Variants in EDIL3 observed in about 807,000 individuals in gnomAD.
EDIL3 encodes EGF like and discoidin domains 3.
Under a neutral mutation model 67.4 loss-of-function variants are expected in EDIL3, and 37 were observed. That is an observed-to-expected ratio of 0.55 (90% CI 0.42 to 0.72). The LOEUF (loss-of-function observed/expected upper bound fraction) is 0.72. Ranked by LOEUF, EDIL3 falls within the 30% of genes least tolerant of loss-of-function variation. The pLI, the probability that EDIL3 is intolerant of heterozygous loss-of-function variation, is 0.00. For missense variants in EDIL3, 527 were observed against 586.3 expected (o/e 0.90, Z 1.04); for synonymous variants, 195 against 196.3 (o/e 0.99, Z 0.05).
At chr5:84,072,319 G>A (rs1206311736) in intron 6 of EDIL3, among the ~76,000 whole-genome samples, 1 of 151,994 alleles carries the variant, frequency 6.6e-6, no homozygotes, top group East Asian at 1.9e-4. Flanking sequence ...GATTTGATTA[G>A]TAGCCATTAA....
intron 1 of EDIL3, among the ~76,000 whole-genome samples, chr5:84,362,068 A>T (rs774798509): frequency 9.9e-5 from 15 of 152,086 alleles, no homozygotes; most frequent in Non-Finnish European, 1.8e-4. Context: ...CCAACTTCCC[A>T]AAAGAGCAGT....
intron 9 of EDIL3, among the ~76,000 whole-genome samples, chr5:83,972,607 C>A (rs1744812736): frequency 6.6e-6 from 1 of 152,032 alleles, no homozygotes; most frequent in African/African-American, 2.4e-5. Flanking sequence ...GGGAAACTTT[C>A]CAAATATAGT....
intron 5 of EDIL3, among the ~76,000 whole-genome samples, chr5:84,113,279 G>A (rs760402284): frequency 3.9e-5 from 6 of 152,132 alleles, no homozygotes; most frequent in Non-Finnish European, 7.4e-5. Flanking sequence ...TGTCAGGTAC[G>A]ACAATAATCC....
intron 1 of EDIL3, among the ~76,000 whole-genome samples, chr5:84,358,358 C>T (rs898344782): frequency 1.3e-5 from 2 of 152,136 alleles, no homozygotes; most frequent in African/African-American, 4.8e-5. Flanking sequence ...ATTCAGCCTA[C>T]ACAGAAGTTG....
chr5:84,089,742 T>C (rs1320219276), intron 6 of EDIL3, among the ~76,000 whole-genome samples: 1 of 152,138 alleles, frequency 6.6e-6, no homozygotes, highest in Non-Finnish European at 1.5e-5. Context: ...CAATCTTTTA[T>C]CCTCCTATTA....
intron 1 of EDIL3, among the ~76,000 whole-genome samples, chr5:84,305,417 G>T (rs1339667716): frequency 5.3e-5 from 8 of 152,182 alleles, no homozygotes; most frequent in African/African-American, 1.4e-4. Flanking sequence ...ACTCCCAAAG[G>T]CTCATGTTAG....
intron 1 of EDIL3, among the ~76,000 whole-genome samples, chr5:84,357,472 T>C (rs994859628): frequency 6.6e-6 from 1 of 152,140 alleles, no homozygotes; most frequent in Non-Finnish European, 1.5e-5. Flanking sequence ...TTAAACATAA[T>C]GATATTTTGG....
chr5:84,223,869 C>T (rs1035078058), intron 3 of EDIL3, among the ~76,000 whole-genome samples: 1 of 151,372 alleles, frequency 6.6e-6, no homozygotes, highest in Admixed American at 6.6e-5. Context: ...TAACACATCA[C>T]ATTGTATACC....
intron 9 of EDIL3, among the ~76,000 whole-genome samples, chr5:83,983,564 CTG>C (rs1263796466): frequency 4.6e-5 from 7 of 152,014 alleles, no homozygotes; most frequent in Non-Finnish European, 5.9e-5. Context: ...CTCCATGGCA[CTG>C]TGAATTTGGC....
chr5:84,172,706 C>T (rs918519116), intron 4 of EDIL3, among the ~76,000 whole-genome samples: 1 of 152,146 alleles, frequency 6.6e-6, no homozygotes, highest in Non-Finnish European at 1.5e-5. Flanking sequence ...GTACAACCAC[C>T]AGTACTGTAC....
chr5:84,314,681 T>C (rs906304809), intron 1 of EDIL3, among the ~76,000 whole-genome samples: 1 of 152,158 alleles, frequency 6.6e-6, no homozygotes, highest in East Asian at 1.9e-4. Flanking sequence ...CCCTGTTCTA[T>C]TATGTGAAAT....
intron 6 of EDIL3, among the ~76,000 whole-genome samples, chr5:84,068,603 AGTTAGT>A (rs1472531996): frequency 2.0e-5 from 3 of 152,212 alleles, no homozygotes; most frequent in Non-Finnish European, 1.5e-5. Context: ...ATGGAACTGC[AGTTAGT>A]TAAGCATCAC....
intron 1 of EDIL3, among the ~76,000 whole-genome samples, chr5:84,318,915 A>C (rs187231988): frequency 2.6e-5 from 4 of 152,290 alleles, no homozygotes; most frequent in African/African-American, 7.2e-5. Flanking sequence ...CCATCTGACA[A>C]AGGCTAATAT....
At chr5:83,944,556 G>A (rs1041461944) in intron 10 of EDIL3, among the ~76,000 whole-genome samples, 1 of 151,512 alleles carries the variant, frequency 6.6e-6, no homozygotes, top group African/African-American at 2.4e-5. Context: ...AAATTATGTT[G>A]GGGTAAACTG....
intron 1 of EDIL3, among the ~76,000 whole-genome samples, chr5:84,290,277 G>A (rs1327965117): frequency 6.6e-6 from 1 of 152,182 alleles, no homozygotes; most frequent in Admixed American, 6.5e-5. Context: ...AGCTCCCCAT[G>A]ACACTATCTG....
At chr5:84,335,835 A>C (rs908026728) in intron 1 of EDIL3, among the ~76,000 whole-genome samples, 5 of 152,102 alleles carry the variant, frequency 3.3e-5, no homozygotes, top group African/African-American at 1.2e-4. Context: ...TTTTTGTCAC[A>C]GTTCTGGGGG....
intron 1 of EDIL3, among the ~76,000 whole-genome samples, chr5:84,257,972 T>C (rs1745151425): frequency 1.3e-5 from 2 of 152,194 alleles, no homozygotes; most frequent in Admixed American, 1.3e-4. Flanking sequence ...TTCAGTTTAT[T>C]AAACTGTGGT....
chr5:84,114,058 G>A (rs1008216795), intron 5 of EDIL3, among the ~76,000 whole-genome samples: 1 of 151,238 alleles, frequency 6.6e-6, no homozygotes, highest in African/African-American at 2.4e-5. Context: ...TTATTTTAGA[G>A]TTGTCTTGAG....
chr5:83,972,326 G>C (rs1561389841), intron 9 of EDIL3, among the ~76,000 whole-genome samples: 1 of 152,072 alleles, frequency 6.6e-6, no homozygotes, highest in Non-Finnish European at 1.5e-5. Flanking sequence ...AGCCTGCTGT[G>C]CAGGCTCTGA....
Sources: gnomAD v4.1 joint callset for allele counts (sites outside exome capture counted in the v4.1 genomes callset) on GRCh38, gnomAD v4.1.1 for gene constraint, MANE v1.5 for transcripts, NCBI Gene and HGNC (gene_info 2026-07-23, HGNC 2026-07-21) for gene names.